Variants in STON2 observed in about 807,000 individuals in gnomAD.
The protein encoded by STON2 is stonin 2, also known as stonin-2.
STON2 carries 29 observed loss-of-function variants against 65.7 expected under a neutral mutation model. That is an observed-to-expected ratio of 0.44 (90% CI 0.33 to 0.60). The LOEUF (loss-of-function observed/expected upper bound fraction) is 0.60. STON2 is among the 20% of genes least tolerant of loss of function. STON2 has a pLI of 0.03. For missense variants in STON2, 1,054 were observed against 1,118.1 expected (o/e 0.94, Z 0.82); for synonymous variants, 404 against 414.2 (o/e 0.98, Z 0.30).
In STON2 at chr14:81,266,966, G is replaced by GT; in HGVS notation, c.*1447dup. 1 of 984,752 alleles carries GT rather than the reference G, an allele frequency of 1.0e-6. No individual in the cohort carries two copies. Among genetic ancestry groups the GT allele is most frequent in the Non-Finnish European group, 1.2e-6 (1 of 829,370 alleles). The allele number at this position is 984,752 out of a possible 1,614,324, so 61.0% of individuals were successfully genotyped here. ...CTTAGTTCAGATATTTCAAAATACTGTAACTATTTCTATATCCCAGTGTCA... is the reference window on the plus strand; with the variant it reads ...CTTAGTTCAGATATTTCAAAATACTGTTAACTATTTCTATATCCCAGTGTCA... On this transcript the variant is annotated 3_prime_UTR_variant, in exon 8 of 8. Transcript: ENST00000614646.
intron 3 of STON2, among the ~76,000 whole-genome samples, chr14:81,384,506 GA>G (rs35317163): frequency 0.24 from 36,686 of 152,088 alleles, 5,124 homozygotes; most frequent in South Asian, 0.32. Context: ...AAAGTGGTGG[GA>G]TTACAGGCGT....
intron 6 of STON2, among the ~76,000 whole-genome samples, chr14:81,275,125 C>T (rs892435253): frequency 6.6e-6 from 1 of 151,952 alleles, no homozygotes; most frequent in Non-Finnish European, 1.5e-5. Flanking sequence ...GCCGATAAGT[C>T]TTTGTTGCTT....
At chr14:81,292,371 C>T (rs1895591563) in intron 5 of STON2, among the ~76,000 whole-genome samples, 1 of 152,124 alleles carries the variant, frequency 6.6e-6, no homozygotes, top group Admixed American at 6.5e-5. Flanking sequence ...TGACCCATGC[C>T]AGGTGATATG....
intron 4 of STON2, among the ~76,000 whole-genome samples, chr14:81,355,326 C>T (rs988444067): frequency 6.6e-5 from 10 of 151,976 alleles, no homozygotes; most frequent in South Asian, 2.1e-4. Flanking sequence ...CCCAAAGAGG[C>T]GTTCACAAAG....
At chr14:81,351,168 G>A (rs1180019369) in intron 4 of STON2, among the ~76,000 whole-genome samples, 1 of 149,066 alleles carries the variant, frequency 6.7e-6, no homozygotes, top group Non-Finnish European at 1.5e-5. Flanking sequence ...GTATTTTGAG[G>A]TAAGCTCTTC....
chr14:81,341,642 C>A (rs915051093), intron 4 of STON2, among the ~76,000 whole-genome samples: 3 of 151,972 alleles, frequency 2.0e-5, no homozygotes, highest in Admixed American at 6.6e-5. Context: ...GGGGCACATA[C>A]CCACTCACCC....
intron 2 of STON2, among the ~76,000 whole-genome samples, chr14:81,421,551 G>C (rs1379600099): frequency 6.6e-6 from 1 of 152,208 alleles, no homozygotes; most frequent in African/African-American, 2.4e-5. Context: ...GGATAGAGAG[G>C]AAAGGTGTTT....
chr14:81,332,149 A>G (rs1351338607), intron 4 of STON2, among the ~76,000 whole-genome samples: 3 of 152,122 alleles, frequency 2.0e-5, no homozygotes, highest in African/African-American at 7.2e-5. Flanking sequence ...AGGTCTGCAG[A>G]GGCTGTGGGC....
At chr14:81,424,400 C>G (rs944345839) in intron 2 of STON2, among the ~76,000 whole-genome samples, 1 of 151,680 alleles carries the variant, frequency 6.6e-6, no homozygotes, top group Non-Finnish European at 1.5e-5. Context: ...GCCAAGATCG[C>G]GCCACTGTAC....
intron 1 of STON2, among the ~76,000 whole-genome samples, chr14:81,435,725 T>C (rs913738968): frequency 6.6e-6 from 1 of 151,798 alleles, no homozygotes; most frequent in Non-Finnish European, 1.5e-5. Context: ...ACACGCACTC[T>C]CATCTTCAAC....
At chr14:81,407,670 G>A (rs1411758896) in intron 2 of STON2, among the ~76,000 whole-genome samples, 1 of 152,192 alleles carries the variant, frequency 6.6e-6, no homozygotes, top group Admixed American at 6.5e-5. Flanking sequence ...AAACCCACAA[G>A]TAAGGCCTCA....
chr14:81,335,934 A>T (rs1479410956), intron 4 of STON2, among the ~76,000 whole-genome samples: 1 of 152,146 alleles, frequency 6.6e-6, no homozygotes, highest in Non-Finnish European at 1.5e-5. Context: ...TAACAAAAAC[A>T]ATTCCAGACT....
chr14:81,325,603 A>AT (rs1896977717), intron 4 of STON2, among the ~76,000 whole-genome samples: 3 of 152,304 alleles, frequency 2.0e-5, no homozygotes, highest in Admixed American at 2.0e-4. Flanking sequence ...TGGTTCAGAA[A>AT]TGTTTATGTA....
intron 6 of STON2, among the ~76,000 whole-genome samples, chr14:81,273,240 G>T (rs567581586): frequency 6.6e-6 from 1 of 152,326 alleles, no homozygotes; most frequent in Non-Finnish European, 1.5e-5. Context: ...ATGGGTAAGG[G>T]TGGTGGACAG....
intron 1 of STON2, among the ~76,000 whole-genome samples, chr14:81,431,815 G>A (rs1247525677): frequency 6.6e-6 from 1 of 151,832 alleles, no homozygotes; most frequent in Non-Finnish European, 1.5e-5. Context: ...CGTGGTGGTG[G>A]GTACCTGTAA....
chr14:81,298,304 A>G (rs1054775493), intron 5 of STON2, among the ~76,000 whole-genome samples: 2 of 152,038 alleles, frequency 1.3e-5, no homozygotes, highest in African/African-American at 4.8e-5. Flanking sequence ...GCAGCTGGAA[A>G]TAACAGTCTA....
chr14:81,278,397 T>C lies in STON2; in HGVS notation c.1085A>G (p.Glu362Gly). 6.2e-7 allele frequency: 1 copy of C among 1,614,208 alleles called. No homozygotes were observed. Among genetic ancestry groups the C allele is most frequent in the Non-Finnish European group, 8.5e-7 (1 of 1,180,034 alleles). The change falls in exon 6 of 8, where the codon GAG (glutamate) becomes GGG (glycine). Residue 362 changes from glutamate (E) to glycine (G), a missense_variant. Physicochemically the swap from Glu to Gly is moderately conservative, Grantham distance 98 (BLOSUM62 -2). Coordinates refer to ENST00000614646, the MANE Select transcript of STON2 (RefSeq NM_001394390.1). ...GTTGGTTGCCCTCCAAGGTGAAGCCTCAGTTACAGAAGGCGTGCGGTTTAA... is the reference window on the plus strand; with the variant it reads ...GTTGGTTGCCCTCCAAGGTGAAGCCCCAGTTACAGAAGGCGTGCGGTTTAA... ...SSLNRTPSVTEASPWRATNPF... is the reference protein window; with the variant it reads ...SSLNRTPSVTGASPWRATNPF...
upstream of STON2, among the ~76,000 whole-genome samples, chr14:81,402,757 C>G (rs1004775716): frequency 1.3e-5 from 2 of 152,208 alleles, no homozygotes; most frequent in Non-Finnish European, 2.9e-5. Flanking sequence ...TGATCTCTCA[C>G]GCAGACAGTT....
At chr14:81,397,734 T>C (rs1900396432) in intron 2 of STON2, among the ~76,000 whole-genome samples, 1 of 152,146 alleles carries the variant, frequency 6.6e-6, no homozygotes, top group South Asian at 2.1e-4. Context: ...CTCCTTATGA[T>C]CAAGGATGAC....
Sources: allele counts gnomAD v4.1 joint callset (sites outside exome capture counted in the v4.1 genomes callset), GRCh38; gene constraint gnomAD v4.1.1; transcripts MANE v1.5; gene names NCBI Gene and HGNC (gene_info 2026-07-23, HGNC 2026-07-21).